C2CD2: variants seen among roughly 807,000 people sequenced by gnomAD.
The protein encoded by C2CD2 is C2 domain-containing protein 2.
C2CD2 carries 43 observed loss-of-function variants against 74.3 expected under a neutral mutation model. The ratio of observed to expected loss-of-function variants is 0.58; its 90% CI spans 0.45 to 0.75. The LOEUF is 0.75. C2CD2 is among the 30% of genes least tolerant of loss of function. The probability of loss-of-function intolerance (pLI) is 0.00; values close to 1 mark genes in which losing one functional copy is unlikely to be tolerated. For missense variants in C2CD2, 801 were observed against 916.3 expected, an observed-to-expected ratio of 0.87 and a Z score of 1.63; for synonymous variants, 422 against 390.7, an observed-to-expected ratio of 1.08 and a Z score of -0.94.
chr21:41,899,092 T>C lies in C2CD2; in HGVS notation c.1831A>G (p.Met611Val), dbSNP rs775619679. 7 of 1,613,992 alleles carry C rather than the reference T, an allele frequency of 4.3e-6. No individual in the cohort carries two copies. The highest frequency in any genetic ancestry group is 1.1e-5 in the South Asian group (1 of 91,080). Residue 611 changes from methionine (M) to valine (V), a missense_variant, in exon 13 of 14, where the codon ATG (methionine) becomes GTG (valine). Coordinates refer to ENST00000380486, the MANE Select transcript of C2CD2 (RefSeq NM_015500.2). This position sits in a 1 kb window ranked among gnomAD's most constrained non-coding sequence, Gnocchi z 4.4. ...GCAGTGCCCGGCTCCAAGACACTCATGGAGCTCTCTGACAGCTCATCACCG... is the reference window on the plus strand; with the variant it reads ...GCAGTGCCCGGCTCCAAGACACTCACGGAGCTCTCTGACAGCTCATCACCG... ...PDGDELSESS[M>V]SVLEPGTAKK...
intron 13 of C2CD2, among the ~76,000 whole-genome samples, chr21:41,898,204 C>G (rs1193609470): frequency 2.0e-5 from 3 of 152,358 alleles, no homozygotes; most frequent in Non-Finnish European, 4.4e-5. Flanking sequence ...TAATGCTGAG[C>G]TTCACCTGAG....
chr21:41,931,258 C>T (rs2065258934), intron 2 of C2CD2, among the ~76,000 whole-genome samples: 1 of 150,304 alleles, frequency 6.7e-6, no homozygotes, highest in Non-Finnish European at 1.5e-5. Context: ...GAGCAGATAC[C>T]CTGCAAGGCA....
intron 10 of C2CD2, 29 bp downstream of exon 10, chr21:41,906,963 G>T: frequency 6.3e-7 from 1 of 1,594,442 alleles, no homozygotes; most frequent in Non-Finnish European, 8.6e-7. Context: ...CATGCAGAAA[G>T]TTCCTCGACT....
chr21:41,918,828 G>A (rs753821871), intron 4 of C2CD2, 28 bp downstream of exon 4: 2 of 1,557,130 alleles, frequency 1.3e-6, no homozygotes, highest in Non-Finnish European at 8.9e-7. Flanking sequence ...CACGCCAATG[G>A]AAGAATCATA....
At chr21:41,935,204 G>A (rs751056518) in intron 2 of C2CD2, among the ~76,000 whole-genome samples, 41 of 152,130 alleles carry the variant, frequency 2.7e-4, no homozygotes, top group Non-Finnish European at 5.6e-4. Context: ...TGACTCTTAT[G>A]TGTTCATTCA....
Position 41,907,669 on chromosome 21 carries a change from G to T in C2CD2, c.1134C>A (p.Val378=). 1 of 1,611,442 alleles carries T rather than the reference G, an allele frequency of 6.2e-7. No homozygotes were observed. Among genetic ancestry groups the T allele is most frequent in the South Asian group, 1.1e-5 (1 of 90,880 alleles). ...GACAGCCTCGCCCTACCTCTGCCGT[G>T]ACCGAGCCCAGCACCGAGCTGCCGC... is the stretch of plus-strand genomic sequence containing the variant. ...SACGSSVLGS[V]TAEFSYMEPG... is the part of the protein sequence containing the mutation. Residue 378 remains valine, a synonymous_variant, in exon 9 of 14, where the codon GTC becomes GTA. Coordinates refer to ENST00000380486, the MANE Select transcript of C2CD2 (RefSeq NM_015500.2).
intron 6 of C2CD2, among the ~76,000 whole-genome samples, chr21:41,913,695 A>G (rs1399203146): frequency 6.6e-6 from 1 of 152,246 alleles, no homozygotes; most frequent in Admixed American, 6.5e-5. Flanking sequence ...GCAAATAAAG[A>G]TAAGTCACCT....
In C2CD2 at chr21:41,926,693, G is replaced by A. The variant is rs1014245533; in HGVS notation, c.379-4608C>T. On this transcript the variant is annotated intron_variant, in intron 2 of 13. Transcript: ENST00000380486. This position sits in a 1 kb window ranked among gnomAD's most constrained non-coding sequence, Gnocchi z 8.0. ...CAACAAGAGAGCCCCTGAGTCTTCA[G>A]ATCTCACTGTGCCCTTTCACTTTCC... 1.2e-5 allele frequency: 11 copies of A among 886,734 alleles called. No individual in the cohort carries two copies. Among genetic ancestry groups the A allele is most frequent in the South Asian group, 5.2e-5 (1 of 19,358 alleles). The allele number at this position is 886,734 out of a possible 1,614,324, so 54.9% of individuals were successfully genotyped here. A position where few individuals can be genotyped will look rare whatever the true frequency, so the allele number is the denominator to read the frequency against.
In C2CD2 at chr21:41,926,647, C is replaced by G. The variant is rs1569075997; in HGVS notation, c.379-4562G>C. The G allele has an allele frequency of 1.0e-6, 1 of 984,484 alleles. No homozygotes were observed. Among genetic ancestry groups the G allele is most frequent in the Non-Finnish European group, 1.2e-6 (1 of 829,284 alleles). The allele number at this position is 984,484 out of a possible 1,614,324, so 61.0% of individuals were successfully genotyped here. A position where few individuals can be genotyped will look rare whatever the true frequency, so the allele number is the denominator to read the frequency against. The stretch of plus-strand genomic sequence containing the variant: ...CCAAAAAATTCCAGGCACAGTTACT[C>G]CAGATTTTGCTACTGTTCACCAACA... On this transcript the variant is annotated intron_variant, in intron 2 of 13. Coordinates refer to ENST00000380486, the MANE Select transcript of C2CD2 (RefSeq NM_015500.2). This position sits in a 1 kb window ranked among gnomAD's most constrained non-coding sequence, Gnocchi z 8.0.
rs1490175245 is a variant in C2CD2, at chr21:41,919,178, G to GT, written c.493-219dup. ...TGCATGTATGAGCATGTGTGTGCAT[G>GT]TGAGTGTGAATGTGTGCATGTGCAT... On this transcript the variant is annotated intron_variant, in intron 3 of 13. Transcript: ENST00000380486. The GT allele has an allele frequency of 6.8e-6, 4 of 589,288 alleles. No individual in the cohort carries two copies. The African/African-American group carries it at 7.4e-5, about 11-fold the overall frequency. The allele number at this position is 589,288 out of a possible 1,614,324, so 36.5% of individuals were successfully genotyped here.
At chr21:41,925,661 T>G (rs1034967331) in intron 2 of C2CD2, among the ~76,000 whole-genome samples, 1 of 152,238 alleles carries the variant, frequency 6.6e-6, no homozygotes, top group Non-Finnish European at 1.5e-5. Context: ...AATCTTCTTT[T>G]AGTGTATTAA....
intron 3 of C2CD2, 24 bp from the exon 4 acceptor site, chr21:41,918,984 G>A (rs1269396577): frequency 1.3e-6 from 2 of 1,549,582 alleles, no homozygotes; most frequent in Admixed American, 1.7e-5. Context: ...AGTTATTAGA[G>A]GGCCACTCTT....
intron 13 of C2CD2, among the ~76,000 whole-genome samples, chr21:41,897,882 T>C (rs1345661512): frequency 1.3e-5 from 2 of 152,146 alleles, no homozygotes; most frequent in African/African-American, 2.4e-5. Context: ...TGTGGGGGCG[T>C]GTCCTGTGCA....
At chr21:41,913,860 G>A (rs937902572) in intron 6 of C2CD2, among the ~76,000 whole-genome samples, 3 of 152,118 alleles carry the variant, frequency 2.0e-5, no homozygotes, top group African/African-American at 7.2e-5. Context: ...TGCTTGTCTT[G>A]GCTCCAACAG....
rs751050822 is a variant in C2CD2 at position 41,905,715 on chromosome 21, C to T, written c.1432+9G>A. On this transcript the variant is annotated intron_variant, in intron 11 of 13. Transcript: ENST00000380486. ...AAGAGGGAGAGCGACGTGGGCGTGT[C>T]TCAGTTACCTGTGTCTGAAGAAGAG... The T allele has an allele frequency of 6.7e-7, 1 of 1,490,458 alleles. No individual in the cohort carries two copies. The highest frequency in any genetic ancestry group is 2.3e-5 in the East Asian group (1 of 44,206). 92.3% of individuals were successfully genotyped at this position (1,490,458 alleles called of 1,614,324 possible).
At chr21:41,930,943 G>A (rs2065256683) in intron 2 of C2CD2, among the ~76,000 whole-genome samples, 1 of 150,010 alleles carries the variant, frequency 6.7e-6, no homozygotes, top group Non-Finnish European at 1.5e-5. Flanking sequence ...CGGGGGAAGG[G>A]CTGGCTCTCA....
At chr21:41,925,189 T>C (rs777491626) in intron 2 of C2CD2, among the ~76,000 whole-genome samples, 1 of 152,046 alleles carries the variant, frequency 6.6e-6, no homozygotes, top group Non-Finnish European at 1.5e-5. Context: ...AAAAGTTAAT[T>C]AAAGAAACAA....
At chr21:41,894,930 C>G (rs1226815865) in intron 13 of C2CD2, 1 of 456,686 alleles carries the variant, frequency 2.2e-6, no homozygotes, top group Non-Finnish European at 4.4e-6. Context: ...ATGGAATGTA[C>G]CGGTCTGCCC....
chr21:41,922,189 C>A, intron 2 of C2CD2, 104 bp from the exon 3 acceptor site: 1 of 672,646 alleles, frequency 1.5e-6, no homozygotes, highest in Non-Finnish European at 2.6e-6. Flanking sequence ...GACAAGGTCT[C>A]ACTCTGTCGC....
Sources: allele counts gnomAD v4.1 joint callset (sites outside exome capture counted in the v4.1 genomes callset), GRCh38; gene constraint gnomAD v4.1.1; non-coding constraint Gnocchi (gnomAD v3.1); transcripts MANE v1.5; gene names NCBI Gene and HGNC (gene_info 2026-07-23, HGNC 2026-07-21).